Variants in CEP164 observed in about 807,000 individuals in gnomAD.
The protein encoded by CEP164 is centrosomal protein of 164 kDa.
CEP164 carries 162 observed loss-of-function variants against 182.7 expected under a neutral mutation model. That is an observed-to-expected ratio of 0.89 (90% CI 0.78 to 1.01). The LOEUF (loss-of-function observed/expected upper bound fraction) is 1.01. Among genes scored for constraint, CEP164 ranks in the 50% least tolerant of loss-of-function variants. The pLI is 0.00. For missense variants in CEP164, 1,735 were observed against 1,790.4 expected, an observed-to-expected ratio of 0.97 and a Z score of 0.56; for synonymous variants, 661 against 690.0, an observed-to-expected ratio of 0.96 and a Z score of 0.66.
intron 8 of CEP164, chr11:117,364,189 A>G (rs1046046341): frequency 1.2e-4 from 19 of 152,242 alleles, no homozygotes; most frequent in African/African-American, 4.6e-4. Flanking sequence ...CCAATGAATC[A>G]TGAACTCAAC....
intron 5 of CEP164, among the ~76,000 whole-genome samples, chr11:117,357,750 A>G (rs2040470742): frequency 6.6e-6 from 1 of 151,400 alleles, no homozygotes; most frequent in African/African-American, 2.5e-5. Context: ...TGAGAGACGG[A>G]GGCCAGAACC....
At chr11:117,359,563 G>GAGA (rs1313436917) in intron 5 of CEP164, 22 of 985,300 alleles carry the variant, frequency 2.2e-5, no homozygotes, top group Non-Finnish European at 2.4e-5. Context: ...GGCTACAGGT[G>GAGA]AGAAGATGGA....
At chr11:117,326,192 T>G (rs888573188), upstream of CEP164, among the ~76,000 whole-genome samples, 1 of 152,052 alleles carries the variant, frequency 6.6e-6, no homozygotes, top group Non-Finnish European at 1.5e-5. Context: ...ATTCCAGGCA[T>G]GAGCCACTGT....
At chr11:117,395,914 G>A in intron 24 of CEP164, 140 bp from the exon 25 acceptor site, 1 of 1,270,500 alleles carries the variant, frequency 7.9e-7, no homozygotes, top group Non-Finnish European at 1.1e-6. Flanking sequence ...GGGATCTCTG[G>A]TGCTATTGTT....
rs1248191023 is a variant in CEP164, at chr11:117,335,601, C to T, written c.-97-4C>T. Reference sequence around the variant, plus strand: ...TGACTTTTTTTTTTTTTTTTTTCAACCAGGAGAAATAACTTTATTTGGACT... The same window carrying T: ...TGACTTTTTTTTTTTTTTTTTTCAATCAGGAGAAATAACTTTATTTGGACT... On this transcript the variant is annotated splice_polypyrimidine_tract_variant and splice_region_variant and intron_variant, in intron 1 of 32. Coordinates refer to ENST00000278935, the MANE Select transcript of CEP164 (RefSeq NM_014956.5). The T allele has an allele frequency of 1.8e-4, 26 of 141,710 alleles. No homozygotes were observed. Among genetic ancestry groups the T allele is most frequent in the African/African-American group, 6.1e-4 (23 of 37,796 alleles). The allele number at this position is 141,710 out of a possible 1,614,324, so 8.8% of individuals were successfully genotyped here.
chr11:117,390,920 C>T lies in CEP164; in HGVS notation c.2066+12C>T. The stretch of plus-strand genomic sequence containing the variant: ...GAGGACCAAATCAGGTAAGTGTGTG[C>T]TTACCTGTGAGCTGCCCAGCCCTGC... On this transcript the variant is annotated intron_variant, in intron 16 of 32. Coordinates refer to ENST00000278935, the MANE Select transcript of CEP164 (RefSeq NM_014956.5). 6.2e-7 allele frequency: 1 copy of T among 1,613,850 alleles called. No individual in the cohort carries two copies. Among genetic ancestry groups the T allele is most frequent in the Non-Finnish European group, 8.5e-7 (1 of 1,179,948 alleles).
rs776843152 is a variant in CEP164 at position 117,409,073 on chromosome 11, T to C, written c.3748+45T>C. 6.2e-7 allele frequency: 1 copy of C among 1,611,616 alleles called. No homozygotes were observed. Among genetic ancestry groups the C allele is most frequent in the South Asian group, 1.1e-5 (1 of 90,920 alleles). Reference sequence around the variant, plus strand: ...GGTGAGGACCATGGTATCCATGGAATGGGAGGAACTTGGGGAATAGAAGAA... The same window carrying C: ...GGTGAGGACCATGGTATCCATGGAACGGGAGGAACTTGGGGAATAGAAGAA... On this transcript the variant is annotated intron_variant, in intron 29 of 32. Transcript: ENST00000278935. The surrounding 1 kb of genome is among the most constrained non-coding windows in gnomAD (Gnocchi z 4.4).
At chr11:117,373,988 C>T (rs1005002390) in intron 10 of CEP164, among the ~76,000 whole-genome samples, 157 bp downstream of exon 10, 4 of 152,114 alleles carry the variant, frequency 2.6e-5, no homozygotes, top group African/African-American at 9.7e-5. Context: ...AACCCATTAA[C>T]TAAGGGTAAT....
In CEP164 at chr11:117,375,714, G is replaced by A. The variant is rs2042670551; in HGVS notation, c.1240G>A (p.Gly414Ser). ...GCATCTCCACTGTCTCCAGGACTTC[G>A]GTTTTCGCAGCCGGATCTCGGAGCA... is the stretch of plus-strand genomic sequence containing the variant. ...DPKSFHGLDFGFRSRISEHLL... is the reference protein window; with the variant it reads ...DPKSFHGLDFSFRSRISEHLL... The change falls in exon 11 of 33, where the codon GGT becomes AGT. Residue 414 changes from glycine to serine, a missense_variant. Physicochemically the swap from Gly to Ser is moderately conservative, Grantham distance 56. Coordinates refer to ENST00000278935, the MANE Select transcript of CEP164 (RefSeq NM_014956.5). 4 of 1,614,096 alleles carry A rather than the reference G, an allele frequency of 2.5e-6. No homozygotes were observed. The highest frequency in any genetic ancestry group is 3.4e-6 in the Non-Finnish European group (4 of 1,180,014).
In CEP164 at chr11:117,373,813, C is replaced by G; in HGVS notation, c.1215C>G (p.Pro405=). 1 of 1,614,104 alleles carries G rather than the reference C, an allele frequency of 6.2e-7. No homozygotes were observed. Among genetic ancestry groups the G allele is most frequent in the Non-Finnish European group, 8.5e-7 (1 of 1,179,986 alleles). ...TCTCAGACTCCATAGCTTCTGACCCCAAGTCCTTCCATGGCCTGGTGAGTT... is the reference window on the plus strand; with the variant it reads ...TCTCAGACTCCATAGCTTCTGACCCGAAGTCCTTCCATGGCCTGGTGAGTT... ...PQLSDSIASD[P]KSFHGLDFGF... Residue 405 remains proline, a synonymous_variant, in exon 10 of 33, where the codon CCC becomes CCG. Transcript: ENST00000278935.
upstream of CEP164, among the ~76,000 whole-genome samples, chr11:117,325,755 A>G (rs114261814): frequency 7.6e-3 from 1,162 of 152,308 alleles, 16 homozygotes; most frequent in African/African-American, 0.026. Flanking sequence ...TAAAGGAAGT[A>G]TAGGCATAAC....
intron 28 of CEP164, 33 bp downstream of exon 28, chr11:117,408,065 CCTGGCCTTCCT>C: frequency 6.9e-7 from 1 of 1,458,886 alleles, no homozygotes; most frequent in Non-Finnish European, 9.4e-7. Context: ...TCCAGTGGGC[CCTGGCCTTCCT>C]CTTCTGTTCT....
At chr11:117,405,099 G>A (rs546617) in intron 27 of CEP164, among the ~76,000 whole-genome samples, 5,692 of 152,258 alleles carry the variant, frequency 0.037, 185 homozygotes, top group Non-Finnish European at 0.058. Context: ...GGCTCTGTTG[G>A]GGTGGGATCT....
chr11:117,397,213 C>T lies in CEP164; in HGVS notation c.3401C>T (p.Ala1134Val), dbSNP rs1341563110. Residue 1134 changes from alanine (A) to valine (V), a missense_variant, in exon 27 of 33, where the codon GCC becomes GTC. By Grantham distance (64) the Ala-to-Val change is moderately conservative. Transcript: ENST00000278935. The stretch of plus-strand genomic sequence containing the variant: ...AGGCGGCAGACAGCTCTGAAAGCTG[C>T]CCAGCAGCATTGGCGCCATGAGCTG... ...MRRRQTALKA[A>V]QQHWRHELAS... 1 of 1,614,226 alleles carries T rather than the reference C, an allele frequency of 6.2e-7. No homozygotes were observed. The highest frequency in any genetic ancestry group is 2.2e-5 in the East Asian group (1 of 44,886).
intron 11 of CEP164, among the ~76,000 whole-genome samples, chr11:117,376,946 A>T (rs1033440940): frequency 6.6e-6 from 1 of 152,028 alleles, no homozygotes; most frequent in Non-Finnish European, 1.5e-5. Flanking sequence ...CCTGGCCAGT[A>T]TCAGAATTAC....
intron 11 of CEP164, among the ~76,000 whole-genome samples, chr11:117,377,017 C>A (rs1053300737): frequency 6.6e-6 from 1 of 152,118 alleles, no homozygotes; most frequent in African/African-American, 2.4e-5. Flanking sequence ...TGGCCAGCAG[C>A]CTCTTTTTGG....
chr11:117,411,683 C>G lies in CEP164; in HGVS notation c.4164-112C>G. 1 of 1,458,384 alleles carries G rather than the reference C, an allele frequency of 6.9e-7. No homozygotes were observed. The highest frequency in any genetic ancestry group is 9.4e-7 in the Non-Finnish European group (1 of 1,068,444). The allele number at this position is 1,458,384 out of a possible 1,614,324, so 90.3% of individuals were successfully genotyped here. ...TGCTAGGGACCTCGGAGAAGCTGCT[C>G]TGGTAGCTGAGAGAAAGAGGGAGGA... On this transcript the variant is annotated intron_variant, in intron 31 of 32. Coordinates refer to ENST00000278935, the MANE Select transcript of CEP164 (RefSeq NM_014956.5). This position sits in a 1 kb window ranked among gnomAD's most constrained non-coding sequence, Gnocchi z 4.4.
chr11:117,353,193 G>C (rs575333351), intron 5 of CEP164, among the ~76,000 whole-genome samples: 42 of 152,184 alleles, frequency 2.8e-4, no homozygotes, highest in Non-Finnish European at 3.2e-4. Flanking sequence ...CAGTTGTCCA[G>C]TTGTTTTGCT....
At chr11:117,381,953 A>T in intron 13 of CEP164, 85 bp downstream of exon 13, 14 of 535,122 alleles carry the variant, frequency 2.6e-5, no homozygotes, top group Admixed American at 6.3e-5. Context: ...GTGCTGAGAG[A>T]GATGGGGGTG....
Sources: allele counts gnomAD v4.1 joint callset (sites outside exome capture counted in the v4.1 genomes callset), GRCh38; gene constraint gnomAD v4.1.1; non-coding constraint Gnocchi (gnomAD v3.1); transcripts MANE v1.5; gene names NCBI Gene and HGNC (gene_info 2026-07-23, HGNC 2026-07-21).